The following SOX13 variants were observed in gnomAD, a reference collection of about 807,000 sequenced individuals.
SOX13 encodes the protein transcription factor SOX-13.
SOX13 carries 28 observed loss-of-function variants against 71.8 expected under a neutral mutation model. That is an observed-to-expected ratio of 0.39 (90% CI 0.29 to 0.53). SOX13 has a LOEUF of 0.53. Among genes scored for constraint, SOX13 ranks in the 20% least tolerant of loss-of-function variants. The probability of loss-of-function intolerance (pLI) is 0.70; values close to 1 mark genes in which losing one functional copy is unlikely to be tolerated. For missense variants in SOX13, 627 were observed against 810.3 expected, an observed-to-expected ratio of 0.77 and a Z score of 2.75; for synonymous variants, 309 against 317.8, an observed-to-expected ratio of 0.97 and a Z score of 0.29.
At chr1:204,094,259 T>G (rs1025242910) in intron 1 of SOX13, among the ~76,000 whole-genome samples, 2 of 152,218 alleles carry the variant, frequency 1.3e-5, no homozygotes, top group Admixed American at 1.3e-4. Context: ...ACATTGAGTT[T>G]GTGGCAGAGT....
At chr1:204,113,179 A>G in intron 2 of SOX13, 45 bp downstream of exon 2, 1 of 1,427,106 alleles carries the variant, frequency 7.0e-7, no homozygotes. Flanking sequence ...CATGCGCTGT[A>G]CCTGGGCTCT....
intron 1 of SOX13, among the ~76,000 whole-genome samples, chr1:204,089,349 A>G (rs944690299): frequency 1.3e-5 from 2 of 152,190 alleles, no homozygotes; most frequent in African/African-American, 2.4e-5. Context: ...TTCCCATGCG[A>G]GCCCAGACAG....
chr1:204,121,332 T>G (rs1035290690), intron 7 of SOX13, among the ~76,000 whole-genome samples: 2 of 152,114 alleles, frequency 1.3e-5, no homozygotes, highest in African/African-American at 2.4e-5. Flanking sequence ...GTTGACCAGA[T>G]TGGTCTTGAA....
chr1:204,125,155 A>G (rs996204356), intron 13 of SOX13, among the ~76,000 whole-genome samples: 24 of 152,208 alleles, frequency 1.6e-4, no homozygotes, highest in Non-Finnish European at 3.2e-4. Flanking sequence ...TAAACTCAAT[A>G]GAAATTCAGA....
intron 2 of SOX13, among the ~76,000 whole-genome samples, chr1:204,113,891 G>C (rs991517249): frequency 2.6e-5 from 4 of 152,316 alleles, no homozygotes; most frequent in African/African-American, 9.6e-5. Flanking sequence ...AGCCCAGCTG[G>C]TGTAGTGGGT....
chr1:204,088,207 G>A (rs1320530763), intron 1 of SOX13, among the ~76,000 whole-genome samples: 2 of 152,172 alleles, frequency 1.3e-5, no homozygotes, highest in African/African-American at 4.8e-5. Context: ...TGTGGACGTA[G>A]CCCTGTTTTC....
At chr1:204,124,036 T>A (rs1031978700) in intron 12 of SOX13, among the ~76,000 whole-genome samples, 1 of 152,222 alleles carries the variant, frequency 6.6e-6, no homozygotes, top group Non-Finnish European at 1.5e-5. Flanking sequence ...TGCGTGTGTG[T>A]GTGTTTACAT....
intron 4 of SOX13, chr1:204,116,178 C>T: frequency 2.3e-6 from 3 of 1,284,594 alleles, no homozygotes; most frequent in Non-Finnish European, 3.0e-6. Context: ...GGATGGTTGT[C>T]CACCCTGACC....
chr1:204,116,742 A>G, intron 5 of SOX13, 63 bp downstream of exon 5: 1 of 1,592,410 alleles, frequency 6.3e-7, no homozygotes, highest in Non-Finnish European at 8.6e-7. Flanking sequence ...GGACCTAGAG[A>G]AGGCTGCCTT....
chr1:204,102,211 G>T (rs1191548605), intron 1 of SOX13, among the ~76,000 whole-genome samples: 1 of 152,218 alleles, frequency 6.6e-6, no homozygotes, highest in Admixed American at 6.5e-5. Flanking sequence ...TGGCAAAGGT[G>T]AGATTTCATC....
intron 13 of SOX13, 47 bp downstream of exon 13, chr1:204,124,904 G>A (rs1194159517): frequency 7.1e-7 from 1 of 1,400,360 alleles, no homozygotes; most frequent in Non-Finnish European, 9.9e-7. Flanking sequence ...GTGTACATGT[G>A]TAGCTCTCAT....
intron 7 of SOX13, chr1:204,118,573 C>G (rs891998121): frequency 2.6e-5 from 4 of 152,152 alleles, no homozygotes; most frequent in African/African-American, 9.7e-5. Context: ...GTTGCCCAGG[C>G]TGGTCTCCTG....
intron 1 of SOX13, among the ~76,000 whole-genome samples, chr1:204,107,686 G>A (rs914108176): frequency 2.0e-5 from 3 of 152,114 alleles, no homozygotes; most frequent in African/African-American, 4.8e-5. Flanking sequence ...GAGGTACCCA[G>A]GGACCCTCTC....
chr1:204,124,550 TG>T, intron 12 of SOX13, 90 bp from the exon 13 acceptor site: 2 of 1,077,540 alleles, frequency 1.9e-6, no homozygotes, highest in South Asian at 1.4e-5. Context: ...TGGACCCACC[TG>T]GGGATCAAGG....
intron 1 of SOX13, among the ~76,000 whole-genome samples, chr1:204,078,898 T>G (rs193198418): frequency 4.6e-5 from 7 of 152,310 alleles, no homozygotes; most frequent in East Asian, 3.9e-4. Flanking sequence ...TGCAAATACT[T>G]TCTCTGAGGA....
At position 204,124,852 on chromosome 1, in the gene SOX13, G is replaced by C. The variant is rs1558223903; in HGVS notation, c.1587G>C (p.Val529=). The C allele has an allele frequency of 1.9e-6, 3 of 1,565,086 alleles. No individual in the cohort carries two copies. The highest frequency in any genetic ancestry group is 2.6e-6 in the Non-Finnish European group (3 of 1,155,394). Residue 529 remains valine, a synonymous_variant, in exon 13 of 14, where the codon GTG becomes GTC. Transcript: ENST00000367204. ...GTCAGGATGCCCGCCAGAGCTACGTGATCCCGTGAGCAGGCCCCCCCGCAG... is the reference window on the plus strand; with the variant it reads ...GTCAGGATGCCCGCCAGAGCTACGTCATCCCGTGAGCAGGCCCCCCCGCAG... The part of the protein sequence containing the change: ...TRRQDARQSY[V]IPPQAGQVQM...
chr1:204,073,431 C>G lies in SOX13; in HGVS notation c.-282C>G. The G allele has an allele frequency of 6.6e-6, 1 of 152,156 alleles. No individual in the cohort carries two copies. The highest frequency in any genetic ancestry group is 1.5e-5 in the Non-Finnish European group (1 of 68,012). The allele number at this position is 152,156 out of a possible 1,614,324, so 9.4% of individuals were successfully genotyped here. A position where few individuals can be genotyped will look rare whatever the true frequency, so the allele number is the denominator to read the frequency against. On this transcript the variant is annotated 5_prime_UTR_variant, in exon 1 of 14. Transcript: ENST00000367204. The surrounding 1 kb of genome is among the most constrained non-coding windows in gnomAD (Gnocchi z 6.8). ...GCAGAGGGCAGAGAGCGGCCTGGCT[C>G]GGCGGAGAGGGCGCCGCCCGGCCGG...
chr1:204,079,070 G>A (rs564813719), intron 1 of SOX13, among the ~76,000 whole-genome samples: 7 of 152,190 alleles, frequency 4.6e-5, no homozygotes, highest in South Asian at 4.2e-4. Context: ...AGGCCAAGGC[G>A]GGCGGATCAC....
In SOX13 at chr1:204,075,812, A is replaced by G. The variant is rs575960545; in HGVS notation, c.-2+2101A>G. ...GTCTTGAGGATTAAAAGACTTAATA[A>G]AGTGAAACTGAGAACAGTGCCTGGC... On this transcript the variant is annotated intron_variant, in intron 1 of 13. Transcript: ENST00000367204. Among the ~76,000 whole-genome samples, 11 of 152,304 alleles carry G rather than the reference A, an allele frequency of 7.2e-5. No individual in the cohort carries two copies. In the East Asian group the frequency reaches 1.9e-3, roughly 27 times the overall value.
Sources: allele counts gnomAD v4.1 joint callset (sites outside exome capture counted in the v4.1 genomes callset), GRCh38; gene constraint gnomAD v4.1.1; non-coding constraint Gnocchi (gnomAD v3.1); transcripts MANE v1.5; gene names NCBI Gene and HGNC (gene_info 2026-07-23, HGNC 2026-07-21).